Variants in CLSTN2 observed in about 807,000 individuals in gnomAD.
CLSTN2 encodes the protein calsyntenin-2.
A neutral mutation model predicts 101.2 loss-of-function variants in CLSTN2; 48 were observed. That is an observed-to-expected ratio of 0.47 (90% CI 0.38 to 0.60). The LOEUF (loss-of-function observed/expected upper bound fraction) is 0.60. Ranked by LOEUF, CLSTN2 falls within the 20% of genes least tolerant of loss-of-function variation. CLSTN2 has a pLI of 0.00. For missense variants in CLSTN2, 1,160 were observed against 1,238.2 expected (o/e 0.94, Z 0.95); for synonymous variants, 481 against 463.6 (o/e 1.04, Z -0.48).
At chr3:140,432,704 G>A (rs931648632) in intron 5 of CLSTN2, among the ~76,000 whole-genome samples, 1 of 152,214 alleles carries the variant, frequency 6.6e-6, no homozygotes, top group Non-Finnish European at 1.5e-5. Flanking sequence ...AAGTGCCCAT[G>A]CTCAAGTCTG....
chr3:140,537,381 C>A (rs1224524216), intron 9 of CLSTN2, among the ~76,000 whole-genome samples: 3 of 151,036 alleles, frequency 2.0e-5, no homozygotes, highest in South Asian at 2.1e-4. Flanking sequence ...TTTATTCTAG[C>A]AATGAAAAAA....
intron 2 of CLSTN2, among the ~76,000 whole-genome samples, chr3:140,284,242 A>AT (rs555985462): frequency 0.017 from 2,660 of 152,302 alleles, 27 homozygotes; most frequent in African/African-American, 0.025. Flanking sequence ...AAATTCTATT[A>AT]TTTTTTTTAA....
intron 1 of CLSTN2, among the ~76,000 whole-genome samples, chr3:140,090,159 C>T (rs1297203901): frequency 4.6e-5 from 6 of 129,576 alleles, no homozygotes; most frequent in African/African-American, 1.8e-4. Flanking sequence ...TGGGTTGTCT[C>T]GGGGCTGGCA....
At chr3:140,290,755 A>G (rs942868421) in intron 2 of CLSTN2, among the ~76,000 whole-genome samples, 1 of 152,204 alleles carries the variant, frequency 6.6e-6, no homozygotes, top group Admixed American at 6.5e-5. Context: ...CTTGGTCTTC[A>G]AGCCACCTTT....
intron 8 of CLSTN2, among the ~76,000 whole-genome samples, chr3:140,495,441 T>C (rs902669829): frequency 2.0e-5 from 3 of 152,244 alleles, no homozygotes; most frequent in African/African-American, 7.2e-5. Flanking sequence ...TAGCTTCTTT[T>C]ACTGTGCAGA....
intron 2 of CLSTN2, among the ~76,000 whole-genome samples, chr3:140,341,055 T>C (rs566693823): frequency 2.0e-5 from 3 of 152,264 alleles, no homozygotes; most frequent in South Asian, 4.1e-4. Context: ...CTGGTTGAGG[T>C]AGTGTTTGTT....
chr3:140,256,291 T>C (rs2086603527), intron 2 of CLSTN2, among the ~76,000 whole-genome samples: 1 of 152,218 alleles, frequency 6.6e-6, no homozygotes. Context: ...AACTACCTTT[T>C]GAGTCACACT....
chr3:140,001,530 T>A (rs558768227), intron 1 of CLSTN2, among the ~76,000 whole-genome samples: 1 of 152,088 alleles, frequency 6.6e-6, no homozygotes, highest in Admixed American at 6.6e-5. Flanking sequence ...GTTCATGAGA[T>A]GTTTTGATAC....
At chr3:139,949,163 C>G (rs886363961) in intron 1 of CLSTN2, among the ~76,000 whole-genome samples, 1 of 152,178 alleles carries the variant, frequency 6.6e-6, no homozygotes, top group Non-Finnish European at 1.5e-5. Context: ...ATATAGAACT[C>G]CACAGTGACA....
rs1349616077 is a variant in CLSTN2 at position 140,459,767 on chromosome 3, C to T, written c.1220C>T (p.Thr407Ile). Reference protein sequence around the residue: ...KETILCNSDKTEMNRHHYALY... With the variant: ...KETILCNSDKIEMNRHHYALY... ...ACCATCCTCTGCAACTCAGACAAAA[C>T]CGGTGAGTCTCTAGCCCAGCCCTTC... Residue 407 changes from threonine (T) to isoleucine (I), a missense_variant and splice_region_variant, in exon 7 of 17, where the codon ACC becomes ATC. Physicochemically the swap from Thr to Ile is moderately conservative, Grantham distance 89 (BLOSUM62 -1). Coordinates refer to ENST00000458420, the MANE Select transcript of CLSTN2 (RefSeq NM_022131.3). 1 of 1,611,708 alleles carries T rather than the reference C, an allele frequency of 6.2e-7. No homozygotes were observed. The highest frequency in any genetic ancestry group is 8.5e-7 in the Non-Finnish European group (1 of 1,179,260).
rs139172221 is a variant in CLSTN2, at chr3:140,242,781, A to G, written c.232+66708A>G. ...GGCCTGACGGAGTCCTTGCTGCCCA[A>G]TGGCCTCTGGAGGAAAAGTGCTCAC... On this transcript the variant is annotated intron_variant, in intron 2 of 16. Transcript: ENST00000458420. Among the ~76,000 whole-genome samples the G allele has an allele frequency of 4.8e-3, 724 of 152,252 alleles. 4 individuals are homozygous for G. The highest frequency in any genetic ancestry group is 0.014 in the African/African-American group (596 of 41,556).
intron 2 of CLSTN2, among the ~76,000 whole-genome samples, chr3:140,341,541 G>A (rs2087492905): frequency 6.6e-6 from 1 of 152,122 alleles, no homozygotes; most frequent in South Asian, 2.1e-4. Flanking sequence ...AAGTAAACAG[G>A]GCATAAATCT....
At chr3:140,407,509 G>T (rs115900385) in intron 4 of CLSTN2, among the ~76,000 whole-genome samples, 2 of 152,190 alleles carry the variant, frequency 1.3e-5, no homozygotes, top group Admixed American at 1.3e-4. Context: ...ACCCCATTGT[G>T]GGGTTGTGAG....
intron 1 of CLSTN2, among the ~76,000 whole-genome samples, chr3:140,064,977 G>T (rs2008274504): frequency 1.3e-5 from 2 of 152,190 alleles, no homozygotes; most frequent in African/African-American, 4.8e-5. Flanking sequence ...CTAAGATATT[G>T]GAAAATCTCT....
At chr3:139,944,178 A>G (rs747067708) in intron 1 of CLSTN2, among the ~76,000 whole-genome samples, 4 of 152,170 alleles carry the variant, frequency 2.6e-5, no homozygotes, top group Non-Finnish European at 4.4e-5. Flanking sequence ...CCCTTTACAG[A>G]TGAGGAAACT....
rs116106341 is a variant in CLSTN2, at chr3:140,559,553, G to A, written c.2041+696G>A. ...GAAAGCTATAGTATATGCTGGTGGC[G>A]GGGGTCAGGGGGGCGGGGAAGGGAA... On this transcript the variant is annotated intron_variant, in intron 12 of 16. Transcript: ENST00000458420. Among the ~76,000 whole-genome samples, 696 of 151,610 alleles carry A rather than the reference G, an allele frequency of 4.6e-3. 11 individuals are homozygous for A. Among genetic ancestry groups the A allele is most frequent in the African/African-American group, 0.016 (657 of 41,194 alleles).
intron 2 of CLSTN2, among the ~76,000 whole-genome samples, chr3:140,210,589 G>A (rs1455673838): frequency 3.3e-5 from 5 of 152,186 alleles, no homozygotes; most frequent in Non-Finnish European, 5.9e-5. Context: ...CCTGAGCTAA[G>A]GTCACAGATG....
chr3:140,289,328 G>GTTTTT (rs60116021), intron 2 of CLSTN2, among the ~76,000 whole-genome samples: 8 of 150,486 alleles, frequency 5.3e-5, no homozygotes, highest in Admixed American at 1.3e-4. Context: ...ATGGTTTTGT[G>GTTTTT]TTTTTTTTTG....
intron 1 of CLSTN2, among the ~76,000 whole-genome samples, chr3:140,146,205 G>A (rs1426677269): frequency 6.6e-6 from 1 of 152,210 alleles, no homozygotes; most frequent in East Asian, 1.9e-4. Context: ...GGAAAAAAGT[G>A]GAATTTAATA....
Sources: gnomAD v4.1 joint callset for allele counts (sites outside exome capture counted in the v4.1 genomes callset) on GRCh38, gnomAD v4.1.1 for gene constraint, MANE v1.5 for transcripts, NCBI Gene and HGNC (gene_info 2026-07-23, HGNC 2026-07-21) for gene names.